The following ANKRD36C variants were observed in gnomAD, a reference collection of about 807,000 sequenced individuals.
ANKRD36C encodes ankyrin repeat domain 36C.
Under a neutral mutation model 276.4 loss-of-function variants are expected in ANKRD36C, and 61 were observed. That is an observed-to-expected ratio of 0.22 (90% CI 0.18 to 0.27). The LOEUF (loss-of-function observed/expected upper bound fraction) is 0.27. Ranked by LOEUF, ANKRD36C falls within the 10% of genes least tolerant of loss-of-function variation. ANKRD36C has a pLI of 1.00. For missense variants in ANKRD36C, 1,447 were observed against 2,032.3 expected (o/e 0.71, Z 5.54); for synonymous variants, 483 against 680.1 (o/e 0.71, Z 4.51).
chr2:95,889,676 A>G, intron 48 of ANKRD36C, 123 bp downstream of exon 68: 1 of 1,354,042 alleles, frequency 7.4e-7, no homozygotes, highest in Non-Finnish European at 1.0e-6. Flanking sequence ...TTACAAATGA[A>G]TAATCTCAGG....
At chr2:95,902,983 A>G in intron 42 of ANKRD36C, 25 bp from the exon 54 acceptor site, 2 of 1,577,168 alleles carry the variant, frequency 1.3e-6, no homozygotes, top group South Asian at 1.1e-5. Context: ...AAATGCAATA[A>G]TAAATTAATA....
chr2:95,901,351 G>T, intron 42 of ANKRD36C, 145 bp from the exon 55 acceptor site: 1 of 73,484 alleles, frequency 1.4e-5, no homozygotes, highest in South Asian at 8.5e-5. Context: ...CTGGGGACCA[G>T]AAGGTGACAG....
chr2:95,893,691 A>C lies in ANKRD36C; in HGVS notation c.2756-1831T>G, dbSNP rs1224538738. On this transcript the variant is annotated intron_variant, in intron 44 of 66. Coordinates refer to ENST00000456556, the Ensembl canonical transcript of ANKRD36C. ...CGTTCACAATATAAATGAGAGTTTC[A>C]TTACCTTCAAGGCTGGTGGTTTCTG... is the stretch of plus-strand genomic sequence containing the variant. The C allele has an allele frequency of 1.2e-5, 20 of 1,604,970 alleles. No homozygotes were observed. Among genetic ancestry groups the C allele is most frequent in the East Asian group, 4.5e-5 (2 of 44,370 alleles).
rs575968226 is a variant in ANKRD36C, at chr2:95,924,067, A to C, written c.2042-378T>G. On this transcript the variant is annotated intron_variant, in intron 30 of 66. Coordinates refer to ENST00000456556, the Ensembl canonical transcript of ANKRD36C. ...ATCCTCCATGTCTTTCATGCAAGCT[A>C]TCAAAAGGATTTACACTAGTATACT... Among the ~76,000 whole-genome samples the C allele has an allele frequency of 9.2e-5, 14 of 151,794 alleles. 2 individuals are homozygous for C. The South Asian group carries it at 2.9e-3, about 31-fold the overall frequency.
At chr2:95,889,730 T>A in intron 48 of ANKRD36C, 69 bp downstream of exon 68, 1 of 1,520,424 alleles carries the variant, frequency 6.6e-7, no homozygotes, top group Non-Finnish European at 8.9e-7. Flanking sequence ...CCCCCGCTGC[T>A]TTATTTGGTG....
At chr2:95,871,139 A>AC (rs1373454644) in intron 59 of ANKRD36C, among the ~76,000 whole-genome samples, 1 of 152,222 alleles carries the variant, frequency 6.6e-6, no homozygotes, top group Non-Finnish European at 1.5e-5. Context: ...AGGCAGGCCA[A>AC]CATTCAGATT....
At chr2:95,935,004 A>C (rs1262580982) in intron 24 of ANKRD36C, among the ~76,000 whole-genome samples, 1 of 152,290 alleles carries the variant, frequency 6.6e-6, no homozygotes, top group Non-Finnish European at 1.5e-5. Context: ...GCTGGTAATC[A>C]GAGCATGTGA....
At chr2:95,858,943 C>G (rs926855050) in intron 61 of ANKRD36C, among the ~76,000 whole-genome samples, 1 of 151,846 alleles carries the variant, frequency 6.6e-6, no homozygotes, top group African/African-American at 2.4e-5. Context: ...TTAATTTTAT[C>G]TACATAACAG....
chr2:95,878,079 G>A (rs1675994515), intron 58 of ANKRD36C, among the ~76,000 whole-genome samples: 2 of 148,364 alleles, frequency 1.3e-5, no homozygotes, highest in Non-Finnish European at 3.0e-5. Flanking sequence ...AGCTACTCAG[G>A]GGGCTGAGGC....
chr2:95,861,494 T>C (rs538224142), intron 60 of ANKRD36C, among the ~76,000 whole-genome samples: 17 of 151,810 alleles, frequency 1.1e-4, no homozygotes, highest in African/African-American at 3.4e-4. Context: ...AAATGTATCA[T>C]TGTCATTTTT....
chr2:95,863,250 A>T (rs1309735711), intron 60 of ANKRD36C, among the ~76,000 whole-genome samples: 1 of 152,106 alleles, frequency 6.6e-6, no homozygotes, highest in Non-Finnish European at 1.5e-5. Context: ...AAAATTAACA[A>T]ATTCCTTTAA....
intron 19 of ANKRD36C, among the ~76,000 whole-genome samples, chr2:95,942,736 G>A (rs79373651): frequency 0.059 from 8,894 of 151,878 alleles, no homozygotes; most frequent in African/African-American, 0.12. Context: ...ATGCCTGTCA[G>A]TCAGGACCCA....
Position 95,852,498 on chromosome 2 carries a change from C to T in ANKRD36C, c.5149-302G>A, listed in dbSNP as rs1573715169. On this transcript the variant is annotated intron_variant, in intron 64 of 66. Coordinates refer to ENST00000456556, the Ensembl canonical transcript of ANKRD36C. ...CAAAGCCTTAAATAATACTATCTGG[C>T]CCTTTACAGAAAAGTTCACAGACCC... 4.2e-5 allele frequency: 12 copies of T among 282,862 alleles called. No homozygotes were observed. In the East Asian group the frequency reaches 9.5e-4, roughly 22 times the overall value. 17.5% of individuals were successfully genotyped at this position (282,862 alleles called of 1,614,324 possible).
chr2:95,915,777 T>C (rs1003320658), intron 38 of ANKRD36C, among the ~76,000 whole-genome samples: 1 of 151,454 alleles, frequency 6.6e-6, no homozygotes, highest in Non-Finnish European at 1.5e-5. Context: ...CCAATTGCAA[T>C]GTGGGGATGT....
At chr2:95,875,699 G>C (rs1386082567) in intron 59 of ANKRD36C, among the ~76,000 whole-genome samples, 1 of 151,772 alleles carries the variant, frequency 6.6e-6, no homozygotes, top group Non-Finnish European at 1.5e-5. Context: ...AATAAAATAA[G>C]AAAAGCAAAT....
At chr2:95,945,703 A>G (rs1468045427) in intron 17 of ANKRD36C, among the ~76,000 whole-genome samples, 1 of 152,258 alleles carries the variant, frequency 6.6e-6, no homozygotes, top group Non-Finnish European at 1.5e-5. Context: ...CTCCTTCCAA[A>G]AAAGACAGAA....
intron 6 of ANKRD36C, among the ~76,000 whole-genome samples, chr2:95,969,474 A>G (rs1256038366): frequency 6.6e-6 from 1 of 152,176 alleles, no homozygotes; most frequent in African/African-American, 2.4e-5. Context: ...TCTGAGTAGT[A>G]TGACAAAATT....
At chr2:95,960,649 G>A (rs935212383) in exon 9 of ANKRD36C, 33 of 1,275,540 alleles carry the variant, frequency 2.6e-5, no homozygotes, top group Non-Finnish European at 3.2e-5. Context: ...CTTCAAGGCC[G>A]GTTGTTTCTG....
chr2:95,971,337 G>A (rs1353845115), intron 6 of ANKRD36C, among the ~76,000 whole-genome samples: 1 of 140,104 alleles, frequency 7.1e-6, no homozygotes, highest in East Asian at 2.2e-4. Context: ...TTATTATGAT[G>A]CAACAATGTA....
Sources: gnomAD v4.1 joint callset for allele counts (sites outside exome capture counted in the v4.1 genomes callset) on GRCh38, gnomAD v4.1.1 for gene constraint, MANE v1.5 for transcripts, NCBI Gene and HGNC (gene_info 2026-07-23, HGNC 2026-07-21) for gene names.